Variants in MARCHF8 observed in about 807,000 individuals in gnomAD.
The protein encoded by MARCHF8 is membrane associated ring-CH-type finger 8.
A neutral mutation model predicts 51.6 loss-of-function variants in MARCHF8; 40 were observed. That is an observed-to-expected ratio of 0.77 (90% CI 0.60 to 1.01). MARCHF8 has a LOEUF of 1.01. Ranked by LOEUF, MARCHF8 falls within the 50% of genes least tolerant of loss-of-function variation. The probability of loss-of-function intolerance (pLI) is 0.00; values close to 1 mark genes in which losing one functional copy is unlikely to be tolerated. For synonymous variants in MARCHF8, 263 were observed against 280.3 expected, an observed-to-expected ratio of 0.94 and a Z score of 0.62; for missense variants, 685 against 708.6, an observed-to-expected ratio of 0.97 and a Z score of 0.38.
intron 1 of MARCHF8, among the ~76,000 whole-genome samples, chr10:45,590,157 G>A (rs1047342210): frequency 4.6e-5 from 7 of 152,142 alleles, no homozygotes; most frequent in Non-Finnish European, 7.4e-5. Flanking sequence ...TAGTTACTTC[G>A]TTGGTGTAAC....
chr10:45,474,928 G>A (rs2042759117), intron 3 of MARCHF8, among the ~76,000 whole-genome samples: 1 of 152,218 alleles, frequency 6.6e-6, no homozygotes, highest in African/African-American at 2.4e-5. Context: ...GGAGCTGCCT[G>A]GAGATGGCGA....
At chr10:45,532,899 A>T (rs182679373) in intron 2 of MARCHF8, among the ~76,000 whole-genome samples, 44 of 152,324 alleles carry the variant, frequency 2.9e-4, no homozygotes, top group Non-Finnish European at 5.7e-4. Flanking sequence ...AAGATAAGTC[A>T]TTTATAACCA....
intron 3 of MARCHF8, among the ~76,000 whole-genome samples, chr10:45,469,976 CA>C (rs1332205952): frequency 1.6e-4 from 23 of 144,648 alleles, no homozygotes; most frequent in African/African-American, 5.4e-4. Context: ...TAAAAATTAT[CA>C]AAAAAAAATA....
intron 1 of MARCHF8, among the ~76,000 whole-genome samples, chr10:45,547,351 A>G (rs2044139635): frequency 6.6e-6 from 1 of 152,186 alleles, no homozygotes; most frequent in African/African-American, 2.4e-5. Flanking sequence ...TCTCCCTTTC[A>G]TGCATGGCTT....
intron 2 of MARCHF8, among the ~76,000 whole-genome samples, chr10:45,504,623 C>G (rs2043346985): frequency 6.6e-6 from 1 of 152,184 alleles, no homozygotes; most frequent in Admixed American, 6.5e-5. Flanking sequence ...AATGGACACT[C>G]ACTCAGAATC....
At chr10:45,498,520 G>A (rs2043217717) in intron 2 of MARCHF8, among the ~76,000 whole-genome samples, 1 of 151,722 alleles carries the variant, frequency 6.6e-6, no homozygotes, top group African/African-American at 2.4e-5. Context: ...CTGTCACCCA[G>A]GCTGGAGTGC....
intron 2 of MARCHF8, among the ~76,000 whole-genome samples, chr10:45,509,867 G>T (rs2043462196): frequency 6.6e-6 from 1 of 152,196 alleles, no homozygotes; most frequent in Admixed American, 6.5e-5. Context: ...CTAGTAACAA[G>T]AGGCTTTAAA....
chr10:45,468,906 G>C (rs761866331), intron 3 of MARCHF8, among the ~76,000 whole-genome samples: 1 of 152,046 alleles, frequency 6.6e-6, no homozygotes, highest in Admixed American at 6.6e-5. Flanking sequence ...ACCTCCACAG[G>C]ATGACAACTG....
chr10:45,546,798 T>G (rs1395338172), intron 1 of MARCHF8, among the ~76,000 whole-genome samples: 1 of 148,082 alleles, frequency 6.8e-6, no homozygotes, highest in African/African-American at 2.5e-5. Flanking sequence ...AAAAAAAAAG[T>G]TAACTACCAG....
intron 2 of MARCHF8, among the ~76,000 whole-genome samples, chr10:45,490,585 C>G (rs1313072239): frequency 1.3e-5 from 2 of 151,982 alleles, no homozygotes; most frequent in African/African-American, 2.4e-5. Flanking sequence ...TGGCAACCCT[C>G]AAACAACTAC....
At chr10:45,559,591 G>T (rs1025731108) in intron 1 of MARCHF8, among the ~76,000 whole-genome samples, 1 of 152,152 alleles carries the variant, frequency 6.6e-6, no homozygotes, top group Non-Finnish European at 1.5e-5. Flanking sequence ...ATACACATAA[G>T]AATTTGTTTT....
At chr10:45,546,908 A>G (rs2044131389) in intron 1 of MARCHF8, among the ~76,000 whole-genome samples, 1 of 152,228 alleles carries the variant, frequency 6.6e-6, no homozygotes, top group East Asian at 1.9e-4. Context: ...GAAGTTTGTT[A>G]GTTTTTAAAT....
intron 1 of MARCHF8, among the ~76,000 whole-genome samples, chr10:45,552,936 AAAGT>A (rs1368695533): frequency 1.3e-5 from 2 of 152,250 alleles, no homozygotes; most frequent in African/African-American, 4.8e-5. Context: ...TGTGGCTACA[AAAGT>A]AAGAAGTTAC....
At chr10:45,556,457 C>T (rs17451208) in intron 1 of MARCHF8, among the ~76,000 whole-genome samples, 1 of 152,154 alleles carries the variant, frequency 6.6e-6, no homozygotes, top group Non-Finnish European at 1.5e-5. Context: ...AAACAAAAGA[C>T]GCTATGAGTG....
At chr10:45,537,680 A>T (rs1228217983), upstream of MARCHF8, among the ~76,000 whole-genome samples, 1 of 151,876 alleles carries the variant, frequency 6.6e-6, no homozygotes, top group African/African-American at 2.4e-5. Context: ...AAAGAAAAAA[A>T]TTATACTAAG....
chr10:45,459,176 G>C lies in MARCHF8; in HGVS notation c.1361C>G (p.Ser454Cys). 1 of 1,614,050 alleles carries C rather than the reference G, an allele frequency of 6.2e-7. No homozygotes were observed. The highest frequency in any genetic ancestry group is 2.2e-5 in the East Asian group (1 of 44,862). Reference sequence around the variant, plus strand: ...AGTACGGTCAATGAGCACATACAAGGACCAGACCACACATGTGATGGCAAT... The same window carrying C: ...AGTACGGTCAATGAGCACATACAAGCACCAGACCACACATGTGATGGCAAT... ...HVIAITCVVW[S>C]LYVLIDRTAE... The change falls in exon 7 of 8, where the codon TCC becomes TGC. Residue 454 changes from serine to cysteine, a missense_variant. Physicochemically the swap from Ser to Cys is moderately radical, Grantham distance 112 (BLOSUM62 -1). Transcript: ENST00000453424.
At chr10:45,509,816 T>C (rs1372837118) in intron 2 of MARCHF8, among the ~76,000 whole-genome samples, 2 of 152,174 alleles carry the variant, frequency 1.3e-5, no homozygotes, top group Non-Finnish European at 2.9e-5. Flanking sequence ...AGGTGAAATC[T>C]GATATAGAGT....
chr10:45,560,306 A>G (rs774199991), intron 1 of MARCHF8, among the ~76,000 whole-genome samples: 3 of 152,176 alleles, frequency 2.0e-5, no homozygotes, highest in African/African-American at 7.2e-5. Flanking sequence ...AAGCTTTGGA[A>G]AACGATTTGG....
chr10:45,499,714 C>T (rs1176638591), intron 2 of MARCHF8, among the ~76,000 whole-genome samples: 2 of 152,140 alleles, frequency 1.3e-5, no homozygotes, highest in South Asian at 2.1e-4. Context: ...TGACTAGTCT[C>T]GGCGCCATTG....
Sources: gnomAD v4.1 joint callset for allele counts (sites outside exome capture counted in the v4.1 genomes callset) on GRCh38, gnomAD v4.1.1 for gene constraint, MANE v1.5 for transcripts, NCBI Gene and HGNC (gene_info 2026-07-23, HGNC 2026-07-21) for gene names.